GABBR2: variants seen among roughly 807,000 people sequenced by gnomAD.
GABBR2 encodes gamma-aminobutyric acid type B receptor subunit 2, also known as G-protein coupled receptor 51.
Under a neutral mutation model 105.6 loss-of-function variants are expected in GABBR2, and 23 were observed. That is an observed-to-expected ratio of 0.22 (90% CI 0.16 to 0.31). The LOEUF (loss-of-function observed/expected upper bound fraction) is 0.31. GABBR2 is among the 10% of genes least tolerant of loss of function. The pLI, the probability that GABBR2 is intolerant of heterozygous loss-of-function variation, is 1.00. For synonymous variants in GABBR2, 478 were observed against 499.7 expected (o/e 0.96, Z 0.58); for missense variants, 734 against 1,245.5 (o/e 0.59, Z 6.18).
At chr9:98,565,248 G>C (rs1018037182) in intron 2 of GABBR2, among the ~76,000 whole-genome samples, 4 of 148,524 alleles carry the variant, frequency 2.7e-5, no homozygotes, top group Non-Finnish European at 6.1e-5. Context: ...GCCTGGCACA[G>C]CTGCAAGGCT....
At chr9:98,616,969 C>T (rs1037348656) in intron 1 of GABBR2, among the ~76,000 whole-genome samples, 2 of 152,182 alleles carry the variant, frequency 1.3e-5, no homozygotes, top group Non-Finnish European at 2.9e-5. Flanking sequence ...ATTGCAATCC[C>T]TTGGACAGTG....
intron 9 of GABBR2, among the ~76,000 whole-genome samples, chr9:98,393,153 C>T (rs1190894616): frequency 9.4e-5 from 3 of 32,050 alleles, no homozygotes; most frequent in African/African-American, 3.2e-4. Flanking sequence ...CACTCATCCA[C>T]CAACCCATCC....
intron 2 of GABBR2, among the ~76,000 whole-genome samples, chr9:98,572,385 C>T (rs970638092): frequency 2.0e-5 from 3 of 152,230 alleles, no homozygotes; most frequent in Non-Finnish European, 4.4e-5. Context: ...CAACTGATTA[C>T]GCATTCCTGG....
chr9:98,661,818 T>C (rs1487027037), intron 1 of GABBR2, among the ~76,000 whole-genome samples: 3 of 152,168 alleles, frequency 2.0e-5, no homozygotes, highest in Non-Finnish European at 4.4e-5. Context: ...AGAAATTGCC[T>C]TGGCCTGAAG....
chr9:98,294,661 A>G (rs1830353269), intron 17 of GABBR2, among the ~76,000 whole-genome samples: 1 of 152,168 alleles, frequency 6.6e-6, no homozygotes, highest in South Asian at 2.1e-4. Flanking sequence ...TATTTGTAGT[A>G]GAGATGGGGT....
At chr9:98,490,590 G>GC (rs1827157100) in intron 4 of GABBR2, among the ~76,000 whole-genome samples, 1 of 152,194 alleles carries the variant, frequency 6.6e-6, no homozygotes, top group South Asian at 2.1e-4. Flanking sequence ...TGAGGCAACT[G>GC]CCCCTCCCAT....
chr9:98,317,703 T>C (rs1830742536), intron 13 of GABBR2, among the ~76,000 whole-genome samples: 1 of 152,230 alleles, frequency 6.6e-6, no homozygotes, highest in East Asian at 1.9e-4. Flanking sequence ...GGATTTGTCA[T>C]GTGCCTGCTG....
chr9:98,543,491 G>A (rs1187528260), intron 2 of GABBR2, among the ~76,000 whole-genome samples: 3 of 151,962 alleles, frequency 2.0e-5, no homozygotes, highest in Admixed American at 6.6e-5. Context: ...CTTAGTCTCC[G>A]GGGTAGCTGG....
chr9:98,415,823 G>A (rs1286207842), intron 7 of GABBR2, among the ~76,000 whole-genome samples: 1 of 152,174 alleles, frequency 6.6e-6, no homozygotes, highest in South Asian at 2.1e-4. Context: ...ACCCACCTCA[G>A]TTGTGTCAAC....
At chr9:98,502,152 GGAGGA>G (rs879836073) in intron 3 of GABBR2, among the ~76,000 whole-genome samples, 1 of 152,192 alleles carries the variant, frequency 6.6e-6, no homozygotes, top group Admixed American at 6.5e-5. Context: ...AGGGGTTGGA[GGAGGA>G]AAAGGAGATC....
chr9:98,412,053 C>A (rs1292310507), intron 7 of GABBR2, among the ~76,000 whole-genome samples: 1 of 152,238 alleles, frequency 6.6e-6, no homozygotes, highest in Non-Finnish European at 1.5e-5. Context: ...TTCACTCCAA[C>A]AAGTTTATGA....
chr9:98,471,454 G>GC (rs1826673373), intron 6 of GABBR2, among the ~76,000 whole-genome samples: 1 of 152,230 alleles, frequency 6.6e-6, no homozygotes, highest in Non-Finnish European at 1.5e-5. Flanking sequence ...TGTTACAAAT[G>GC]CCAAAACATT....
intron 3 of GABBR2, among the ~76,000 whole-genome samples, 179 bp from the exon 4 acceptor site, chr9:98,496,693 C>T (rs1253017512): frequency 6.6e-6 from 1 of 152,168 alleles, no homozygotes; most frequent in African/African-American, 2.4e-5. Flanking sequence ...GAGGATCCCC[C>T]AGTCCCACCC....
intron 13 of GABBR2, among the ~76,000 whole-genome samples, chr9:98,314,599 C>T (rs994412383): frequency 6.6e-6 from 1 of 152,138 alleles, no homozygotes; most frequent in African/African-American, 2.4e-5. Flanking sequence ...GGGAGCCCCT[C>T]CCTCCTGCTC....
intron 1 of GABBR2, among the ~76,000 whole-genome samples, chr9:98,657,312 AAAAC>A (rs769173558): frequency 1.1e-4 from 17 of 152,342 alleles, no homozygotes; most frequent in Non-Finnish European, 2.5e-4. Context: ...TTAAAAGTGA[AAAAC>A]AAAACATAAA....
In GABBR2 at chr9:98,492,204, G is replaced by T. The variant is rs991544018; in HGVS notation, c.732+4209C>A. ...CTCTTTTCACCAGTTATGCTAGAATGCAGAAGCTGGCTAGTTTGCTCATAT... is the reference window on the plus strand; with the variant it reads ...CTCTTTTCACCAGTTATGCTAGAATTCAGAAGCTGGCTAGTTTGCTCATAT... On this transcript the variant is annotated intron_variant, in intron 4 of 18. Coordinates refer to ENST00000259455, the MANE Select transcript of GABBR2 (RefSeq NM_005458.8). 2.0e-5 allele frequency among the ~76,000 whole-genome samples: 3 copies of T among 151,834 alleles called. No individual in the cohort carries two copies. The East Asian group carries it at 5.8e-4, about 29-fold the overall frequency.
At chr9:98,632,879 A>G (rs1222654179) in intron 1 of GABBR2, among the ~76,000 whole-genome samples, 1 of 152,244 alleles carries the variant, frequency 6.6e-6, no homozygotes, top group Non-Finnish European at 1.5e-5. Context: ...AGTAGGTTTC[A>G]TTCGTTCACT....
chr9:98,360,822 C>T (rs572676529), intron 13 of GABBR2, among the ~76,000 whole-genome samples: 6 of 152,274 alleles, frequency 3.9e-5, no homozygotes, highest in Non-Finnish European at 8.8e-5. Context: ...GGTGTCTCCC[C>T]ACCACAGCTG....
At chr9:98,552,646 A>G (rs1266657509) in intron 2 of GABBR2, among the ~76,000 whole-genome samples, 2 of 152,228 alleles carry the variant, frequency 1.3e-5, no homozygotes, top group Non-Finnish European at 2.9e-5. Context: ...AACAAGGGAA[A>G]ATGAATGCCT....
Sources: gnomAD v4.1 joint callset for allele counts (sites outside exome capture counted in the v4.1 genomes callset) on GRCh38, gnomAD v4.1.1 for gene constraint, MANE v1.5 for transcripts, NCBI Gene and HGNC (gene_info 2026-07-23, HGNC 2026-07-21) for gene names.